The following WDR88 variants were observed in gnomAD, a reference collection of about 807,000 sequenced individuals.
WDR88 encodes the protein WD repeat domain 88.
In WDR88, 40 loss-of-function variants were observed where a neutral mutation model predicts 46.8. The observed-to-expected ratio is 0.86, with a 90% CI of 0.66 to 1.11. WDR88 has a LOEUF of 1.11. WDR88 is among the 50% of genes most tolerant of loss of function. The pLI is 0.00. For missense variants in WDR88, 562 were observed against 602.4 expected, an observed-to-expected ratio of 0.93 and a Z score of 0.70; for synonymous variants, 235 against 240.7, an observed-to-expected ratio of 0.98 and a Z score of 0.22.
In WDR88 at chr19:33,132,177, C is replaced by G. The variant is rs1303046117; in HGVS notation, c.8C>G (p.Ser3Cys). ...GGCGGACCGGGCTTCGAGATGGCCT[C>G]CCCGCCGCGGTGCTCCCCGACAGCC... The part of the protein sequence containing the change: MA[S>C]PPRCSPTAHD... The change falls in exon 1 of 11, where the codon TCC becomes TGC. Residue 3 changes from serine (S) to cysteine (C), a missense_variant. Ser to Cys is a moderately radical substitution (Grantham distance 112, BLOSUM62 -1). Coordinates refer to ENST00000355868, the MANE Select transcript of WDR88 (RefSeq NM_173479.4). The G allele has an allele frequency of 6.3e-7, 1 of 1,591,412 alleles. No homozygotes were observed.
chr19:33,172,599 CAA>C (rs1265294852), intron 10 of WDR88, among the ~76,000 whole-genome samples, 159 bp downstream of exon 10: 2 of 151,878 alleles, frequency 1.3e-5, no homozygotes, highest in African/African-American at 2.4e-5. Flanking sequence ...AGAGAGGAAA[CAA>C]AGAGGAAAGA....
intron 9 of WDR88, among the ~76,000 whole-genome samples, chr19:33,166,294 A>G (rs1973952703): frequency 6.7e-6 from 1 of 149,314 alleles, no homozygotes; most frequent in Admixed American, 6.7e-5. Context: ...AAAAAAAAAA[A>G]AAAAAAAAAA....
chr19:33,159,089 G>T (rs10422015), intron 7 of WDR88, among the ~76,000 whole-genome samples: 25,546 of 151,572 alleles, frequency 0.17, 2,407 homozygotes, highest in East Asian at 0.42. Flanking sequence ...CAGTGCTGGG[G>T]GGGTGCTGAG....
At chr19:33,159,106 G>A (rs944821016) in intron 7 of WDR88, among the ~76,000 whole-genome samples, 3 of 151,556 alleles carry the variant, frequency 2.0e-5, no homozygotes, top group Non-Finnish European at 4.4e-5. Context: ...TGAGGCGGGA[G>A]TATTGCTTGA....
rs183579301 is a variant in WDR88, at chr19:33,133,044, C to T, written c.276+599C>T. Among the ~76,000 whole-genome samples the T allele has an allele frequency of 6.0e-3, 904 of 151,910 alleles. 10 individuals are homozygous for T. The highest frequency in any genetic ancestry group is 0.021 in the African/African-American group (880 of 41,390). On this transcript the variant is annotated intron_variant, in intron 1 of 10. Transcript: ENST00000355868. ...TGATGGGGCGCACCTGTGGTCCCAG[C>T]CACTTGAAAGGCTGAGGCAAGAGGA...
At position 33,156,460 on chromosome 19, in the gene WDR88, G is replaced by A. The variant is rs527842496; in HGVS notation, c.915G>A (p.Gly305=). 6.2e-7 allele frequency: 1 copy of A among 1,614,152 alleles called. No individual in the cohort carries two copies. The highest frequency in any genetic ancestry group is 1.7e-5 in the Admixed American group (1 of 60,000). ...KNLKIWNVHT[G]EFRNCGACVT... ...TAAAAATATGGAACGTCCACACAGGGGAGTTTCGAAACTGTGGAGCCTGTG... is the reference window on the plus strand; with the variant it reads ...TAAAAATATGGAACGTCCACACAGGAGAGTTTCGAAACTGTGGAGCCTGTG... Residue 305 remains glycine (G), a synonymous_variant, in exon 7 of 11, where the codon GGG becomes GGA. Coordinates refer to ENST00000355868, the MANE Select transcript of WDR88 (RefSeq NM_173479.4).
Position 33,141,240 on chromosome 19 carries a change from TC to T in WDR88, c.387+3454del, listed in dbSNP as rs1478930515. Reference sequence around the variant, plus strand: ...GTGTGGGAGCATGTTTTTTTTTTTTTCTTTTTTGACACAGGATCTCACTCTG... The same window carrying T: ...GTGTGGGAGCATGTTTTTTTTTTTTTTTTTTTGACACAGGATCTCACTCTG... On this transcript the variant is annotated intron_variant, in intron 2 of 10. Transcript: ENST00000355868. Among the ~76,000 whole-genome samples the T allele has an allele frequency of 5.6e-5, 8 of 143,404 alleles. 1 individual carries two copies. Among genetic ancestry groups the T allele is most frequent in the African/African-American group, 1.7e-4 (6 of 35,774 alleles). 94.1% of individuals were successfully genotyped at this position (143,404 alleles called of 152,430 possible).
At chr19:33,133,194 A>AATAAATAAATAT (rs1351551438) in intron 1 of WDR88, among the ~76,000 whole-genome samples, 9 of 49,410 alleles carry the variant, frequency 1.8e-4, no homozygotes, top group African/African-American at 4.0e-4. Context: ...TAAATAAATA[A>AATAAATAAATAT]ATATAGAGAG....
intron 10 of WDR88, chr19:33,174,880 A>G (rs1293685983): frequency 2.0e-6 from 2 of 985,266 alleles, no homozygotes; most frequent in Non-Finnish European, 2.4e-6. Flanking sequence ...CTGCTTAGCC[A>G]TTGGTGGGGA....
intron 6 of WDR88, among the ~76,000 whole-genome samples, chr19:33,154,603 C>T (rs1568366000): frequency 6.6e-6 from 1 of 152,190 alleles, no homozygotes; most frequent in Non-Finnish European, 1.5e-5. Flanking sequence ...TCCGGTCTAT[C>T]ATTGATGGGC....
At chr19:33,170,187 T>C (rs1394454411) in intron 9 of WDR88, among the ~76,000 whole-genome samples, 2 of 151,928 alleles carry the variant, frequency 1.3e-5, no homozygotes, top group African/African-American at 4.8e-5. Context: ...CATTTATTTA[T>C]GTTTTAAAGA....
intron 3 of WDR88, among the ~76,000 whole-genome samples, 186 bp from the exon 4 acceptor site, chr19:33,147,459 T>C (rs1973541830): frequency 6.6e-6 from 1 of 151,638 alleles, no homozygotes; most frequent in Non-Finnish European, 1.5e-5. Flanking sequence ...AAAAATTAGC[T>C]GGGCGTGGTG....
chr19:33,149,418 T>C (rs959147481), intron 5 of WDR88, among the ~76,000 whole-genome samples: 1 of 152,226 alleles, frequency 6.6e-6, no homozygotes, highest in African/African-American at 2.4e-5. Flanking sequence ...CATTCAGTCT[T>C]GTGCTTTTAA....
At chr19:33,140,406 C>T (rs932586409) in intron 2 of WDR88, among the ~76,000 whole-genome samples, 3 of 152,166 alleles carry the variant, frequency 2.0e-5, no homozygotes, top group African/African-American at 4.8e-5. Context: ...GCAATCCTCC[C>T]GCCTCAGCTT....
At chr19:33,173,309 G>T (rs975541940) in intron 10 of WDR88, among the ~76,000 whole-genome samples, 4 of 152,020 alleles carry the variant, frequency 2.6e-5, no homozygotes, top group African/African-American at 9.7e-5. Flanking sequence ...CCCTGGGCAG[G>T]TCCCCAGTGC....
intron 2 of WDR88, among the ~76,000 whole-genome samples, chr19:33,140,958 A>T (rs1973378698): frequency 1.4e-5 from 2 of 142,348 alleles, no homozygotes; most frequent in African/African-American, 5.3e-5. Context: ...TTTTTTTGAG[A>T]CAGGGTCTTG....
intron 9 of WDR88, among the ~76,000 whole-genome samples, chr19:33,171,586 T>C (rs974628834): frequency 3.9e-5 from 6 of 152,178 alleles, no homozygotes; most frequent in African/African-American, 1.2e-4. Context: ...ATTTAATATC[T>C]TACAGTACTG....
intron 7 of WDR88, among the ~76,000 whole-genome samples, chr19:33,158,355 T>A (rs1158310192): frequency 6.6e-6 from 1 of 151,866 alleles, no homozygotes; most frequent in East Asian, 1.9e-4. Flanking sequence ...CAGAATCACA[T>A]GCAGTTGAGC....
Position 33,132,197 on chromosome 19 carries a change from A to G in WDR88, c.28A>G (p.Thr10Ala), listed in dbSNP as rs1973138957. 2.5e-6 allele frequency: 4 copies of G among 1,603,628 alleles called. No individual in the cohort carries two copies. Among genetic ancestry groups the G allele is most frequent in the Non-Finnish European group, 3.4e-6 (4 of 1,177,374 alleles). MASPPRCSP[T>A]AHDRECKLPP... ...GGCCTCCCCGCCGCGGTGCTCCCCG[A>G]CAGCCCATGACAGGGAATGCAAGTT... Residue 10 changes from threonine (T) to alanine (A), a missense_variant, in exon 1 of 11, where the codon ACA becomes GCA. By Grantham distance (58) the Thr-to-Ala change is moderately conservative. Transcript: ENST00000355868.
Sources: allele counts gnomAD v4.1 joint callset (sites outside exome capture counted in the v4.1 genomes callset), GRCh38; gene constraint gnomAD v4.1.1; transcripts MANE v1.5; gene names NCBI Gene and HGNC (gene_info 2026-07-23, HGNC 2026-07-21).